CNTNAP2: variants seen among roughly 807,000 people sequenced by gnomAD.
CNTNAP2 encodes the protein contactin associated protein 2, also known as contactin-associated protein-like 2.
A neutral mutation model predicts 155.2 loss-of-function variants in CNTNAP2; 98 were observed. That is an observed-to-expected ratio of 0.63 (90% confidence interval 0.54 to 0.75). The LOEUF (loss-of-function observed/expected upper bound fraction) is 0.75. Ranked by LOEUF, CNTNAP2 falls within the 30% of genes least tolerant of loss-of-function variation. CNTNAP2 has a pLI of 0.00. For missense variants in CNTNAP2, 1,727 were observed against 1,688.1 expected, an observed-to-expected ratio of 1.02 and a Z score of -0.40; for synonymous variants, 651 against 631.2, an observed-to-expected ratio of 1.03 and a Z score of -0.47.
intron 1 of CNTNAP2, among the ~76,000 whole-genome samples, chr7:146,396,091 C>T (rs1039915918): frequency 5.9e-5 from 9 of 152,152 alleles, no homozygotes; most frequent in East Asian, 1.9e-4. Flanking sequence ...CCTGCCCTGA[C>T]ACATGATAGA....
rs1356338931 is a variant in CNTNAP2, at chr7:146,953,465, A to G, written c.403-90442A>G. ...CATCTCGTTTTACATAAATTATTGCATTTGTCATTCATTCAGTAAATGCTA... is the reference window on the plus strand; with the variant it reads ...CATCTCGTTTTACATAAATTATTGCGTTTGTCATTCATTCAGTAAATGCTA... On this transcript the variant is annotated intron_variant, in intron 3 of 23. Coordinates refer to ENST00000361727, the MANE Select transcript of CNTNAP2 (RefSeq NM_014141.6). Among the ~76,000 whole-genome samples, 3 of 151,992 alleles carry G rather than the reference A, an allele frequency of 2.0e-5. No homozygotes were observed. In the East Asian group the frequency reaches 5.8e-4, roughly 29 times the overall value.
intron 12 of CNTNAP2, among the ~76,000 whole-genome samples, chr7:147,636,845 G>C (rs1795188956): frequency 6.6e-6 from 1 of 152,160 alleles, no homozygotes; most frequent in Non-Finnish European, 1.5e-5. Context: ...GAATGCTAGG[G>C]AGAAAATTAA....
intron 8 of CNTNAP2, among the ~76,000 whole-genome samples, chr7:147,258,401 TA>T (rs1804377874): frequency 6.6e-6 from 1 of 152,148 alleles, no homozygotes; most frequent in South Asian, 2.1e-4. Context: ...TATATAACAA[TA>T]AATATATATT....
At chr7:146,556,425 T>C (rs114220907) in intron 1 of CNTNAP2, among the ~76,000 whole-genome samples, 102 of 152,312 alleles carry the variant, frequency 6.7e-4, no homozygotes, top group African/African-American at 2.3e-3. Context: ...ACAGTTCTGA[T>C]AGGAGGGGTA....
intron 13 of CNTNAP2, among the ~76,000 whole-genome samples, chr7:147,815,231 A>T (rs971831241): frequency 6.6e-6 from 1 of 152,116 alleles, no homozygotes; most frequent in African/African-American, 2.4e-5. Context: ...TTATTATCTC[A>T]CACAATTCTA....
chr7:147,452,497 A>C (rs1315067512), intron 10 of CNTNAP2, among the ~76,000 whole-genome samples: 1 of 152,214 alleles, frequency 6.6e-6, no homozygotes, highest in African/African-American at 2.4e-5. Flanking sequence ...AATTAAAAGC[A>C]CAATTTCAAA....
chr7:148,144,819 A>G (rs890833920), intron 16 of CNTNAP2, among the ~76,000 whole-genome samples: 1 of 152,252 alleles, frequency 6.6e-6, no homozygotes, highest in Non-Finnish European at 1.5e-5. Flanking sequence ...AAGCGAGGAC[A>G]GTGTCATTGG....
intron 13 of CNTNAP2, among the ~76,000 whole-genome samples, chr7:147,644,871 T>C (rs2116932788): frequency 6.6e-6 from 1 of 152,300 alleles, no homozygotes; most frequent in African/African-American, 2.4e-5. Flanking sequence ...ATTTTTTTGC[T>C]GAAGTATTGA....
At chr7:147,962,750 C>G (rs1246030952) in intron 14 of CNTNAP2, among the ~76,000 whole-genome samples, 1 of 152,054 alleles carries the variant, frequency 6.6e-6, no homozygotes, top group Non-Finnish European at 1.5e-5. Flanking sequence ...ATGTATAGTC[C>G]ATTAATTTGT....
At chr7:148,110,761 C>A (rs965050906) in intron 15 of CNTNAP2, among the ~76,000 whole-genome samples, 1 of 152,122 alleles carries the variant, frequency 6.6e-6, no homozygotes, top group Non-Finnish European at 1.5e-5. Flanking sequence ...CCGCTATGAC[C>A]CTGCCAGTGA....
intron 1 of CNTNAP2, among the ~76,000 whole-genome samples, chr7:146,296,956 A>ACC (rs200883173): frequency 0.022 from 3,231 of 148,994 alleles, 137 homozygotes; most frequent in African/African-American, 0.079. Flanking sequence ...AGCAGGTATT[A>ACC]TCTGTGTGTG....
chr7:147,329,470 C>T (rs1795518720), intron 9 of CNTNAP2, among the ~76,000 whole-genome samples: 1 of 151,932 alleles, frequency 6.6e-6, no homozygotes, highest in African/African-American at 2.4e-5. Context: ...GTCTCCAAGG[C>T]TGCTTTATTT....
At chr7:146,614,753 G>T (rs1212611530) in intron 1 of CNTNAP2, among the ~76,000 whole-genome samples, 1 of 152,156 alleles carries the variant, frequency 6.6e-6, no homozygotes, top group Non-Finnish European at 1.5e-5. Flanking sequence ...GCAATGTACT[G>T]TAACAATTTT....
rs148530500 is a variant in CNTNAP2 at position 147,763,563 on chromosome 7, C to T, written c.2098+124257C>T. Among the ~76,000 whole-genome samples, 928 of 152,134 alleles carry T rather than the reference C, an allele frequency of 6.1e-3. 8 individuals carry two copies. The highest frequency in any genetic ancestry group is 0.021 in the African/African-American group (871 of 41,526). ...CTCTCCTCTCTGGGGAGGCAAAGAGCCGTTAAAAGTTGTCAGTCACTTCTA... is the reference window on the plus strand; with the variant it reads ...CTCTCCTCTCTGGGGAGGCAAAGAGTCGTTAAAAGTTGTCAGTCACTTCTA... On this transcript the variant is annotated intron_variant, in intron 13 of 23. Transcript: ENST00000361727.
chr7:147,200,597 G>A (rs562862384), intron 8 of CNTNAP2, among the ~76,000 whole-genome samples: 52 of 152,292 alleles, frequency 3.4e-4, no homozygotes, highest in African/African-American at 1.2e-3. Context: ...TGCACAGGCA[G>A]ACGCCACCAT....
chr7:147,300,475 G>T (rs529900690), intron 9 of CNTNAP2, among the ~76,000 whole-genome samples, 185 bp downstream of exon 9: 1 of 152,220 alleles, frequency 6.6e-6, no homozygotes, highest in African/African-American at 2.4e-5. Flanking sequence ...TTCTGATGAA[G>T]ATATTAAGAT....
rs147729718 is a variant in CNTNAP2 at position 146,347,648 on chromosome 7, C to T, written c.97+230675C>T. ...TGGTGTGATCTCAGCTCACTGCAAC[C>T]TCCACCTCCCTGCTTCAAGCGATTC... On this transcript the variant is annotated intron_variant, in intron 1 of 23. Transcript: ENST00000361727. Among the ~76,000 whole-genome samples, 13 of 152,256 alleles carry T rather than the reference C, an allele frequency of 8.5e-5. 1 individual carries two copies. The highest frequency in any genetic ancestry group is 3.1e-4 in the African/African-American group (13 of 41,536).
chr7:147,934,944 C>T (rs56386448), intron 14 of CNTNAP2, among the ~76,000 whole-genome samples: 5,206 of 152,112 alleles, frequency 0.034, 292 homozygotes, highest in African/African-American at 0.12. Flanking sequence ...TCTTGTGCTA[C>T]GTTTAAATTT....
At chr7:147,622,669 T>C (rs1163642598) in intron 12 of CNTNAP2, among the ~76,000 whole-genome samples, 1 of 152,052 alleles carries the variant, frequency 6.6e-6, no homozygotes, top group East Asian at 1.9e-4. Context: ...TATAACTGTC[T>C]ACATCAAAAA....
Sources: allele counts gnomAD v4.1 joint callset (sites outside exome capture counted in the v4.1 genomes callset), GRCh38; gene constraint gnomAD v4.1.1; transcripts MANE v1.5; gene names NCBI Gene and HGNC (gene_info 2026-07-23, HGNC 2026-07-21).